Variants in ABI1 observed in about 807,000 individuals in gnomAD.
ABI1 encodes the protein abl interactor 1.
Under a neutral mutation model 54.6 loss-of-function variants are expected in ABI1, and 14 were observed. That is an observed-to-expected ratio of 0.26 (90% confidence interval 0.17 to 0.40). ABI1 has a LOEUF of 0.40. ABI1 is among the 10% of genes least tolerant of loss of function. ABI1 has a pLI of 1.00. For synonymous variants in ABI1, 194 were observed against 209.3 expected (o/e 0.93, Z 0.63); for missense variants, 443 against 598.3 (o/e 0.74, Z 2.71).
At chr10:26,820,588 CTTTT>C (rs34548409) in intron 2 of ABI1, among the ~76,000 whole-genome samples, 1 of 138,526 alleles carries the variant, frequency 7.2e-6, no homozygotes. Flanking sequence ...AGCTAATGCA[CTTTT>C]TTTTTTTTTT....
At chr10:26,811,545 G>C (rs182412743) in intron 2 of ABI1, among the ~76,000 whole-genome samples, 1 of 152,178 alleles carries the variant, frequency 6.6e-6, no homozygotes, top group East Asian at 1.9e-4. Flanking sequence ...TTTTGGTTAG[G>C]TATCAGTCTT....
At chr10:26,839,643 C>T (rs999179830) in intron 1 of ABI1, 2 of 620,246 alleles carry the variant, frequency 3.2e-6, no homozygotes, top group African/African-American at 4.0e-5. Context: ...AAAAGAAGTA[C>T]TTCTGTTTAA....
At chr10:26,799,784 C>A (rs903533107) in intron 2 of ABI1, among the ~76,000 whole-genome samples, 1 of 152,042 alleles carries the variant, frequency 6.6e-6, no homozygotes, top group East Asian at 1.9e-4. Flanking sequence ...ATCTTAATGA[C>A]AAATTATAGC....
chr10:26,748,436 T>C lies in ABI1; in HGVS notation c.*134A>G, dbSNP rs562005880. ...AAAGATTTATGCTTACAGGTAGACATTCAATTTACCAATAAAACAGCATGT... is the reference window on the plus strand; with the variant it reads ...AAAGATTTATGCTTACAGGTAGACACTCAATTTACCAATAAAACAGCATGT... On this transcript the variant is annotated 3_prime_UTR_variant, in exon 11 of 11. Coordinates refer to ENST00000376140, the MANE Select transcript of ABI1 (RefSeq NM_001012750.3). The C allele has an allele frequency of 1.2e-4, 76 of 659,242 alleles. No homozygotes were observed. The East Asian group carries it at 2.0e-3, about 18-fold the overall frequency. The allele number at this position is 659,242 out of a possible 1,614,324, so 40.8% of individuals were successfully genotyped here. A position where few individuals can be genotyped will look rare whatever the true frequency, so the allele number is the denominator to read the frequency against.
chr10:26,837,263 C>A (rs576801926), intron 1 of ABI1, among the ~76,000 whole-genome samples: 1 of 152,300 alleles, frequency 6.6e-6, no homozygotes, highest in African/African-American at 2.4e-5. Context: ...CAAGGGATTT[C>A]TTCTTGGCTT....
At chr10:26,789,354 A>G (rs754309065) in intron 2 of ABI1, among the ~76,000 whole-genome samples, 11 of 152,226 alleles carry the variant, frequency 7.2e-5, no homozygotes, top group Non-Finnish European at 1.5e-5. Context: ...CAAAAAAATG[A>G]ACATGTACAG....
At chr10:26,827,595 T>C (rs1233751358) in intron 1 of ABI1, among the ~76,000 whole-genome samples, 1 of 63,488 alleles carries the variant, frequency 1.6e-5, no homozygotes, top group African/African-American at 5.8e-5. Flanking sequence ...TTCTGTTTTT[T>C]GTTTTTTTTT....
At chr10:26,811,706 A>G (rs2047237380) in intron 2 of ABI1, among the ~76,000 whole-genome samples, 1 of 151,486 alleles carries the variant, frequency 6.6e-6, no homozygotes, top group South Asian at 2.1e-4. Context: ...CTATTTCATG[A>G]AGAACCAATC....
chr10:26,762,881 T>A (rs1028258150), intron 7 of ABI1, among the ~76,000 whole-genome samples: 19 of 152,206 alleles, frequency 1.2e-4, no homozygotes, highest in Admixed American at 9.8e-4. Flanking sequence ...TAGGTATCAA[T>A]AAATTACTTT....
chr10:26,826,151 T>A (rs1346346184), intron 1 of ABI1, among the ~76,000 whole-genome samples: 1 of 152,218 alleles, frequency 6.6e-6, no homozygotes. Context: ...CTAAGGCAGC[T>A]ATAGCCTTAC....
At chr10:26,751,827 G>C in intron 9 of ABI1, 44 bp from the exon 10 acceptor site, 10 of 1,515,536 alleles carry the variant, frequency 6.6e-6, no homozygotes, top group Non-Finnish European at 8.9e-6. Flanking sequence ...AATAAGTCTA[G>C]ATGGAAACTT....
At chr10:26,853,006 A>G (rs1028435184) in intron 1 of ABI1, among the ~76,000 whole-genome samples, 2 of 152,192 alleles carry the variant, frequency 1.3e-5, no homozygotes, top group Non-Finnish European at 2.9e-5. Flanking sequence ...TATTTTGTAG[A>G]TGGAGAAAAT....
intron 2 of ABI1, among the ~76,000 whole-genome samples, chr10:26,788,645 G>C (rs1233688932): frequency 6.6e-6 from 1 of 152,030 alleles, no homozygotes; most frequent in Non-Finnish European, 1.5e-5. Flanking sequence ...GGGTGCAGTG[G>C]CTCACGCCTG....
At chr10:26,824,307 G>A (rs1036733215) in intron 1 of ABI1, among the ~76,000 whole-genome samples, 9 of 152,162 alleles carry the variant, frequency 5.9e-5, no homozygotes, top group African/African-American at 2.2e-4. Flanking sequence ...TGATGCACTG[G>A]TAAGTGATAT....
intron 8 of ABI1, among the ~76,000 whole-genome samples, chr10:26,758,361 G>A (rs1838623064): frequency 6.6e-6 from 1 of 151,754 alleles, no homozygotes; most frequent in Non-Finnish European, 1.5e-5. Context: ...TTTCCTTTTT[G>A]CATTGAACAT....
chr10:26,857,446 G>A (rs542228388), intron 1 of ABI1, among the ~76,000 whole-genome samples: 2 of 149,404 alleles, frequency 1.3e-5, no homozygotes, highest in Non-Finnish European at 3.0e-5. Flanking sequence ...TTTGAGACCA[G>A]CCTAGGCAAC....
At chr10:26,773,572 C>A (rs1224247960) in intron 3 of ABI1, among the ~76,000 whole-genome samples, 2 of 151,958 alleles carry the variant, frequency 1.3e-5, no homozygotes, top group Non-Finnish European at 2.9e-5. Context: ...AAAAAAAAAT[C>A]TTCCTATGTA....
intron 2 of ABI1, among the ~76,000 whole-genome samples, chr10:26,821,169 T>C (rs145135725): frequency 9.4e-4 from 136 of 144,694 alleles, no homozygotes; most frequent in African/African-American, 3.1e-3. Flanking sequence ...GGCTTGAACC[T>C]GAAAGATGGA....
rs753897727 is a variant in ABI1 at position 26,751,734 on chromosome 10, G to A, written c.1134C>T (p.Pro378=). The change falls in exon 10 of 11, where the codon CCC becomes CCT. Residue 378 remains proline (P), a synonymous_variant. Coordinates refer to ENST00000376140, the MANE Select transcript of ABI1 (RefSeq NM_001012750.3). ...GGGGAGGTGGAGAGTCATCAAACATGGGAATGTCATCTGGTGGAGGTGGTG... is the reference window on the plus strand; with the variant it reads ...GGGGAGGTGGAGAGTCATCAAACATAGGAATGTCATCTGGTGGAGGTGGTG... ...PPPPPPPDDI[P]MFDDSPPPPP... 1 of 1,613,526 alleles carries A rather than the reference G, an allele frequency of 6.2e-7. No individual in the cohort carries two copies. Among genetic ancestry groups the A allele is most frequent in the South Asian group, 1.1e-5 (1 of 90,986 alleles).
Sources: allele counts gnomAD v4.1 joint callset (sites outside exome capture counted in the v4.1 genomes callset), GRCh38; gene constraint gnomAD v4.1.1; transcripts MANE v1.5; gene names NCBI Gene and HGNC (gene_info 2026-07-23, HGNC 2026-07-21).